The following CHD2 variants were observed in gnomAD, a reference collection of about 807,000 sequenced individuals.
CHD2 encodes ATP-dependent chromatin remodeler CHD2.
In CHD2, 28 loss-of-function variants were observed where a neutral mutation model predicts 243.9. That is an observed-to-expected ratio of 0.11 (90% CI 0.09 to 0.16). The LOEUF is 0.16. Ranked by LOEUF, CHD2 falls within the 10% of genes least tolerant of loss-of-function variation. The pLI is 1.00. For missense variants in CHD2, 1,386 were observed against 2,209.8 expected (o/e 0.63, Z 7.47); for synonymous variants, 775 against 779.0 (o/e 0.99, Z 0.09).
At chr15:92,961,876 C>CTTTTTTTTTTTTTTTTTTTTTTTTTTTT (rs3064790) in intron 16 of CHD2, among the ~76,000 whole-genome samples, 1 of 78,626 alleles carries the variant, frequency 1.3e-5, no homozygotes, top group Admixed American at 1.6e-4. Flanking sequence ...TTTTTCTTCT[C>CTTTTTTTTTTTTTTTTTTTTTTTTTTTT]TTTTTTTTTT....
chr15:92,984,307 G>C, intron 24 of CHD2, 23 bp from the exon 25 acceptor site: 1 of 1,507,190 alleles, frequency 6.6e-7, no homozygotes. Flanking sequence ...GGAAATGTCA[G>C]ACAATGGGTT....
chr15:93,006,410 C>T (rs1357971274), intron 34 of CHD2, among the ~76,000 whole-genome samples: 1 of 152,144 alleles, frequency 6.6e-6, no homozygotes, highest in Non-Finnish European at 1.5e-5. Flanking sequence ...CAGGCGTGAG[C>T]CACCGCACCC....
intron 12 of CHD2, among the ~76,000 whole-genome samples, chr15:92,948,708 G>A (rs528683836): frequency 8.1e-4 from 123 of 152,166 alleles, no homozygotes; most frequent in African/African-American, 2.1e-3. Flanking sequence ...GGTGGCGGGC[G>A]CCTGTATGTA....
chr15:92,968,014 C>G (rs75632430), intron 17 of CHD2, among the ~76,000 whole-genome samples: 10,805 of 151,896 alleles, frequency 0.071, 412 homozygotes, highest in Middle Eastern at 0.19. Flanking sequence ...GTGCATTTTG[C>G]TTATTTTGGG....
chr15:92,995,273 T>C (rs1204873868), intron 28 of CHD2, among the ~76,000 whole-genome samples: 1 of 152,214 alleles, frequency 6.6e-6, no homozygotes, highest in Non-Finnish European at 1.5e-5. Flanking sequence ...TTTCAGTACT[T>C]AGGGACTGCT....
intron 8 of CHD2, 116 bp downstream of exon 8, chr15:92,942,071 G>A: frequency 1.0e-6 from 1 of 984,844 alleles, no homozygotes; most frequent in African/African-American, 1.6e-5. Flanking sequence ...GTTGTGATAT[G>A]TAGAAGTCTT....
chr15:92,911,535 C>T lies in CHD2; in HGVS notation c.62+10236C>T, dbSNP rs190509281. On this transcript the variant is annotated intron_variant, in intron 2 of 38. Coordinates refer to ENST00000394196, the MANE Select transcript of CHD2 (RefSeq NM_001271.4). ...GGCAGATCACTTGAGGCCAGGAGTT[C>T]GAGACCAGCCTGGCCAACATGGTGA... 3.9e-5 allele frequency among the ~76,000 whole-genome samples: 6 copies of T among 152,150 alleles called. No individual in the cohort carries two copies. In the East Asian group the frequency reaches 9.7e-4, roughly 25 times the overall value.
intron 7 of CHD2, among the ~76,000 whole-genome samples, chr15:92,940,599 C>T (rs776198816): frequency 6.6e-6 from 1 of 151,044 alleles, no homozygotes; most frequent in Non-Finnish European, 1.5e-5. Context: ...ATAACTTATT[C>T]AATGTATCCA....
At chr15:92,977,466 T>C (rs1183553459) in intron 20 of CHD2, among the ~76,000 whole-genome samples, 1 of 152,222 alleles carries the variant, frequency 6.6e-6, no homozygotes, top group Non-Finnish European at 1.5e-5. Context: ...GCTTTTGACA[T>C]ATATGATTAA....
chr15:92,904,591 C>T, intron 2 of CHD2: 8 of 1,075,812 alleles, frequency 7.4e-6, no homozygotes, highest in Non-Finnish European at 9.0e-6. Context: ...CTGTAGCGGT[C>T]CGCACCCTGT....
At chr15:92,962,547 T>A (rs929282170) in intron 16 of CHD2, among the ~76,000 whole-genome samples, 1 of 152,200 alleles carries the variant, frequency 6.6e-6, no homozygotes, top group South Asian at 2.1e-4. Context: ...TTATGACTTA[T>A]TAAATAGTCT....
At chr15:93,019,169 C>T (rs1326764856) in intron 37 of CHD2, among the ~76,000 whole-genome samples, 1 of 151,978 alleles carries the variant, frequency 6.6e-6, no homozygotes, top group African/African-American at 2.4e-5. Context: ...TGTGTGTGTG[C>T]AGAATAGGGA....
chr15:93,003,268 C>T (rs573636885), intron 33 of CHD2, among the ~76,000 whole-genome samples: 3 of 128,420 alleles, frequency 2.3e-5, no homozygotes, highest in Non-Finnish European at 4.8e-5. Flanking sequence ...GCTTGGGCAA[C>T]AGAGGAAGAC....
chr15:93,019,584 AGCATACCT>A (rs2054505923), intron 37 of CHD2, among the ~76,000 whole-genome samples: 1 of 152,242 alleles, frequency 6.6e-6, no homozygotes, highest in African/African-American at 2.4e-5. Flanking sequence ...TTACTTCAGC[AGCATACCT>A]ACAAGAATTG....
At chr15:92,946,945 A>AC (rs1431327451) in intron 12 of CHD2, 1 of 152,096 alleles carries the variant, frequency 6.6e-6, no homozygotes. Context: ...AAAAAAAAAA[A>AC]AATAGAGAGC....
chr15:92,929,211 T>C, intron 5 of CHD2, 120 bp downstream of exon 5: 1 of 876,386 alleles, frequency 1.1e-6, no homozygotes, highest in Middle Eastern at 2.3e-4. Flanking sequence ...TCTGTCTCTC[T>C]TACTAGCTCG....
At chr15:92,935,106 G>A (rs563316885) in intron 5 of CHD2, among the ~76,000 whole-genome samples, 1 of 151,184 alleles carries the variant, frequency 6.6e-6, no homozygotes, top group East Asian at 1.9e-4. Context: ...CCCGATCTCG[G>A]CCCACTGTAA....
chr15:92,935,778 G>C (rs1278527515), intron 5 of CHD2, among the ~76,000 whole-genome samples: 1 of 151,914 alleles, frequency 6.6e-6, no homozygotes, highest in Admixed American at 6.6e-5. Context: ...TATGCTCCGG[G>C]GAAGCAGAAT....
rs1316384141 is a variant in CHD2, at chr15:92,941,803, A to C, written c.693-19A>C. On this transcript the variant is annotated intron_variant, in intron 7 of 38. Coordinates refer to ENST00000394196, the MANE Select transcript of CHD2 (RefSeq NM_001271.4). ...TGAAGAGATCATTTCTCATTTATTCAGCATTATTCCTCTTGCAGTTACAAA... is the reference window on the plus strand; with the variant it reads ...TGAAGAGATCATTTCTCATTTATTCCGCATTATTCCTCTTGCAGTTACAAA... 1.2e-6 allele frequency: 2 copies of C among 1,609,946 alleles called. No homozygotes were observed. The highest frequency in any genetic ancestry group is 1.3e-5 in the African/African-American group (1 of 74,760).
Sources: allele counts gnomAD v4.1 joint callset (sites outside exome capture counted in the v4.1 genomes callset), GRCh38; gene constraint gnomAD v4.1.1; transcripts MANE v1.5; gene names NCBI Gene and HGNC (gene_info 2026-07-23, HGNC 2026-07-21).